AGPS: variants seen among roughly 807,000 people sequenced by gnomAD.
The protein encoded by AGPS is alkyldihydroxyacetonephosphate synthase, peroxisomal.
AGPS carries 26 observed loss-of-function variants against 90.7 expected under a neutral mutation model. The ratio of observed to expected loss-of-function variants is 0.29; its 90% CI spans 0.21 to 0.40. The LOEUF is 0.40. Ranked by LOEUF, AGPS falls within the 10% of genes least tolerant of loss-of-function variation. The probability of loss-of-function intolerance (pLI) is 1.00; values close to 1 mark genes in which losing one functional copy is unlikely to be tolerated. For missense variants in AGPS, 540 were observed against 816.1 expected, an observed-to-expected ratio of 0.66 and a Z score of 4.12; for synonymous variants, 294 against 285.3, an observed-to-expected ratio of 1.03 and a Z score of -0.31.
At chr2:177,466,198 G>GCAGGGCAT (rs1257551615) in intron 9 of AGPS, among the ~76,000 whole-genome samples, 14 of 152,074 alleles carry the variant, frequency 9.2e-5, no homozygotes, top group South Asian at 2.1e-4. Flanking sequence ...CTCTCCATAA[G>GCAGGGCAT]CAGGGCATCC....
intron 8 of AGPS, among the ~76,000 whole-genome samples, chr2:177,451,287 A>C (rs1686943348): frequency 6.6e-6 from 1 of 152,076 alleles, no homozygotes. Context: ...ATTTGTCCCT[A>C]AGTAGTACAT....
chr2:177,497,766 G>T lies in AGPS; in HGVS notation c.1362+1G>T. 6.8e-7 allele frequency: 1 copy of T among 1,459,938 alleles called. No homozygotes were observed. Among genetic ancestry groups the T allele is most frequent in the Non-Finnish European group, 9.5e-7 (1 of 1,050,006 alleles). The allele number at this position is 1,459,938 out of a possible 1,614,324, so 90.4% of individuals were successfully genotyped here. Reference sequence around the variant, plus strand: ...ATTAAAAAAGTTTTATATTACAAAGGTAAGAATTTTTATAAAATGCTAAAA... The same window carrying T: ...ATTAAAAAAGTTTTATATTACAAAGTTAAGAATTTTTATAAAATGCTAAAA... On this transcript the variant is annotated splice_donor_variant, in intron 13 of 19. Coordinates refer to ENST00000264167, the MANE Select transcript of AGPS (RefSeq NM_003659.4). LOFTEE classifies it high-confidence loss of function.
chr2:177,460,201 A>T (rs2105663831), intron 8 of AGPS, among the ~76,000 whole-genome samples: 1 of 152,276 alleles, frequency 6.6e-6, no homozygotes, highest in South Asian at 2.1e-4. Flanking sequence ...ACATTAGGAG[A>T]AATACCTCAT....
intron 17 of AGPS, among the ~76,000 whole-genome samples, chr2:177,518,144 T>A (rs1047674327): frequency 1.3e-5 from 2 of 152,098 alleles, no homozygotes; most frequent in Non-Finnish European, 2.9e-5. Flanking sequence ...TTTAAAAAAA[T>A]ATCTTATGGC....
At chr2:177,471,819 G>T (rs1402043997) in intron 10 of AGPS, among the ~76,000 whole-genome samples, 2 of 151,916 alleles carry the variant, frequency 1.3e-5, no homozygotes, top group African/African-American at 2.4e-5. Flanking sequence ...TATACCTTTT[G>T]GTCATTAATT....
chr2:177,395,935 A>G (rs1210181228), intron 1 of AGPS, among the ~76,000 whole-genome samples: 1 of 152,218 alleles, frequency 6.6e-6, no homozygotes, highest in East Asian at 1.9e-4. Context: ...TGTCCTAGGC[A>G]TTGGAGGTAA....
intron 1 of AGPS, among the ~76,000 whole-genome samples, chr2:177,416,663 C>A (rs1685794722): frequency 6.6e-6 from 1 of 151,824 alleles, no homozygotes; most frequent in Non-Finnish European, 1.5e-5. Context: ...GCACCTGGGA[C>A]TACAGGCATG....
intron 3 of AGPS, among the ~76,000 whole-genome samples, chr2:177,435,063 AT>A: frequency 7.2e-6 from 1 of 139,736 alleles, no homozygotes; most frequent in South Asian, 2.3e-4. Context: ...TCTTTTTATT[AT>A]TTTTGTTGTG....
intron 1 of AGPS, among the ~76,000 whole-genome samples, chr2:177,408,321 T>C (rs1040718872): frequency 6.6e-5 from 10 of 152,200 alleles, no homozygotes; most frequent in Admixed American, 3.3e-4. Flanking sequence ...TGGCCACACA[T>C]TGGAATTTGA....
At chr2:177,487,547 T>C (rs1688131451) in intron 11 of AGPS, among the ~76,000 whole-genome samples, 1 of 152,216 alleles carries the variant, frequency 6.6e-6, no homozygotes, top group African/African-American at 2.4e-5. Flanking sequence ...GTTTTAAACT[T>C]AATTTATCTT....
chr2:177,523,864 G>A, intron 19 of AGPS, 59 bp downstream of exon 19: 1 of 1,387,896 alleles, frequency 7.2e-7, no homozygotes, highest in Non-Finnish European at 1.0e-6. Flanking sequence ...ATTCAGTTCA[G>A]TAAAATGCTA....
chr2:177,523,839 C>A (rs1227493846), intron 19 of AGPS, 34 bp downstream of exon 19: 2 of 1,548,932 alleles, frequency 1.3e-6, no homozygotes, highest in Non-Finnish European at 1.8e-6. Flanking sequence ...TTCTAATATT[C>A]TTACTTTAAA....
intron 19 of AGPS, among the ~76,000 whole-genome samples, chr2:177,536,578 A>G (rs2105745877): frequency 6.6e-6 from 1 of 152,250 alleles, no homozygotes; most frequent in South Asian, 2.1e-4. Flanking sequence ...CCCTTAGGAG[A>G]TAATAGAAGG....
chr2:177,440,463 A>G (rs1327019150), intron 5 of AGPS, among the ~76,000 whole-genome samples: 1 of 152,144 alleles, frequency 6.6e-6, no homozygotes, highest in African/African-American at 2.4e-5. Flanking sequence ...GGGGCATTCT[A>G]TGAAATAACT....
At chr2:177,478,108 T>C (rs1033886742) in intron 10 of AGPS, among the ~76,000 whole-genome samples, 1 of 152,230 alleles carries the variant, frequency 6.6e-6, no homozygotes. Context: ...GAAAGATAAC[T>C]GCTGGATGTA....
chr2:177,493,309 C>A, intron 12 of AGPS, 110 bp downstream of exon 12: 1 of 944,448 alleles, frequency 1.1e-6, no homozygotes, highest in Non-Finnish European at 1.7e-6. Flanking sequence ...TCTTGCCTTT[C>A]AGGAAGATGT....
rs188601727 is a variant in AGPS at position 177,518,206 on chromosome 2, G to A, written c.1698-3063G>A. The stretch of plus-strand genomic sequence containing the variant: ...ACCAGCACTTTGGGAGGCTGAGGTG[G>A]GTGGATCACTTGAGGTCAGGAGTTT... On this transcript the variant is annotated intron_variant, in intron 17 of 19. Transcript: ENST00000264167. 6.8e-3 allele frequency among the ~76,000 whole-genome samples: 1,038 copies of A among 152,240 alleles called. 14 individuals carry two copies. The highest frequency in any genetic ancestry group is 0.024 in the Middle Eastern group (7 of 294).
rs369079113 is a variant in AGPS at position 177,476,337 on chromosome 2, C to A, written c.1106-5722C>A. ...CAATTTCTCTCTAGGTATTGCTTTACTTTATCTGATAAGTTTTGGTATATT... is the reference window on the plus strand; with the variant it reads ...CAATTTCTCTCTAGGTATTGCTTTAATTTATCTGATAAGTTTTGGTATATT... On this transcript the variant is annotated intron_variant, in intron 10 of 19. Coordinates refer to ENST00000264167, the MANE Select transcript of AGPS (RefSeq NM_003659.4). 1.2e-4 allele frequency among the ~76,000 whole-genome samples: 18 copies of A among 152,080 alleles called. No homozygotes were observed. In the East Asian group the frequency reaches 3.1e-3, roughly 26 times the overall value.
At chr2:177,507,600 T>C (rs1293745818) in intron 15 of AGPS, among the ~76,000 whole-genome samples, 1 of 152,184 alleles carries the variant, frequency 6.6e-6, no homozygotes, top group South Asian at 2.1e-4. Context: ...TGACTAATTT[T>C]CGATATTGGT....
Sources: gnomAD v4.1 joint callset for allele counts (sites outside exome capture counted in the v4.1 genomes callset) on GRCh38, gnomAD v4.1.1 for gene constraint, MANE v1.5 for transcripts, NCBI Gene and HGNC (gene_info 2026-07-23, HGNC 2026-07-21) for gene names.